ROBO2: variants seen among roughly 807,000 people sequenced by gnomAD.
ROBO2 encodes the protein roundabout homolog 2.
Under a neutral mutation model 160.8 loss-of-function variants are expected in ROBO2, and 53 were observed. That is an observed-to-expected ratio of 0.33 (90% confidence interval 0.26 to 0.41). The LOEUF (loss-of-function observed/expected upper bound fraction) is 0.41, where lower values mean the gene tolerates loss of function less well. Ranked by LOEUF, ROBO2 falls within the 10% of genes least tolerant of loss-of-function variation. ROBO2 has a pLI of 1.00. For synonymous variants in ROBO2, 664 were observed against 611.7 expected (o/e 1.09, Z -1.26); for missense variants, 1,577 against 1,722.4 (o/e 0.92, Z 1.49).
intron 2 of ROBO2, among the ~76,000 whole-genome samples, chr3:76,558,712 C>CA (rs954571331): frequency 1.3e-5 from 2 of 151,892 alleles, no homozygotes; most frequent in African/African-American, 2.4e-5. Flanking sequence ...TTTAGACAAA[C>CA]AATAACTGTA....
At chr3:77,066,361 AG>A (rs1406786594) in intron 1 of ROBO2, among the ~76,000 whole-genome samples, 4 of 152,204 alleles carry the variant, frequency 2.6e-5, no homozygotes, top group Non-Finnish European at 5.9e-5. Flanking sequence ...AGATGTCAAA[AG>A]ACATTGGTAA....
At chr3:77,258,217 G>A (rs1441953) in intron 2 of ROBO2, among the ~76,000 whole-genome samples, 75,474 of 152,014 alleles carry the variant, frequency 0.5, 19,980 homozygotes, top group Middle Eastern at 0.7. Context: ...TATAAAGTTC[G>A]AGTGAAAGTG....
intron 2 of ROBO2, among the ~76,000 whole-genome samples, chr3:76,451,553 G>A (rs547145993): frequency 1.3e-5 from 2 of 152,180 alleles, no homozygotes; most frequent in African/African-American, 4.8e-5. Flanking sequence ...AGCAATGGCT[G>A]TCTCTCTTCT....
intron 2 of ROBO2, among the ~76,000 whole-genome samples, chr3:77,276,217 CA>C (rs11414735): frequency 0.24 from 34,608 of 143,470 alleles, 4,580 homozygotes; most frequent in African/African-American, 0.37. Flanking sequence ...AACAAACAAA[CA>C]AAAAAAAAAA....
intron 2 of ROBO2, among the ~76,000 whole-genome samples, chr3:77,311,376 A>G (rs1397671495): frequency 6.6e-6 from 1 of 152,216 alleles, no homozygotes; most frequent in Non-Finnish European, 1.5e-5. Context: ...TAAACTGTAT[A>G]TTTGCAAAAC....
At chr3:76,700,988 T>C (rs1338410175) in intron 2 of ROBO2, among the ~76,000 whole-genome samples, 2 of 152,074 alleles carry the variant, frequency 1.3e-5, no homozygotes, top group African/African-American at 4.8e-5. Flanking sequence ...ATTATCATAG[T>C]GTATTGAAGC....
rs201765049 is a variant in ROBO2 at position 76,149,968 on chromosome 3, T to C, written c.109+212366T>C. Among the ~76,000 whole-genome samples, 46 of 148,484 alleles carry C rather than the reference T, an allele frequency of 3.1e-4. No individual in the cohort carries two copies. In the East Asian group the frequency reaches 8.8e-3, roughly 28 times the overall value. ...ACATCTGTCTAAAGCACACATCATA[T>C]GTCTAAAGCACACATCTGTCTAAAG... On this transcript the variant is annotated intron_variant, in intron 2 of 26. Transcript: ENST00000487694.
At chr3:76,386,280 C>G (rs972247061) in intron 2 of ROBO2, among the ~76,000 whole-genome samples, 2 of 151,644 alleles carry the variant, frequency 1.3e-5, no homozygotes, top group Non-Finnish European at 2.9e-5. Context: ...CAAACTAGAC[C>G]TTTCTTCATA....
intron 2 of ROBO2, among the ~76,000 whole-genome samples, chr3:76,510,716 C>G (rs949469953): frequency 5.3e-5 from 8 of 151,936 alleles, no homozygotes; most frequent in Admixed American, 3.3e-4. Context: ...GAGCAAGACT[C>G]TGTCTCAAAA....
chr3:77,387,054 T>C (rs2074198876), intron 2 of ROBO2, among the ~76,000 whole-genome samples: 1 of 151,950 alleles, frequency 6.6e-6, no homozygotes, highest in Non-Finnish European at 1.5e-5. Flanking sequence ...ATTCCCAAAT[T>C]TGGGATGTTA....
At chr3:75,921,278 A>G (rs7610997) in intron 1 of ROBO2, among the ~76,000 whole-genome samples, 90,694 of 144,714 alleles carry the variant, frequency 0.63, 28,064 homozygotes, top group African/African-American at 0.72. Context: ...TTTATTTCTC[A>G]TTCATTTATG....
intron 2 of ROBO2, among the ~76,000 whole-genome samples, chr3:77,370,380 T>C (rs749764229): frequency 3.3e-5 from 5 of 152,242 alleles, no homozygotes; most frequent in African/African-American, 1.2e-4. Context: ...AGTATATTGA[T>C]GAATACAATT....
At chr3:77,522,651 TTG>T (rs1302299412) in intron 5 of ROBO2, 122 bp from the exon 6 acceptor site, 288 of 918,150 alleles carry the variant, frequency 3.1e-4, no homozygotes, top group Middle Eastern at 9.0e-4. Flanking sequence ...TGTGGCTGAT[TTG>T]TGTGTGTGTG....
chr3:77,550,938 T>G (rs2092897809), exon 8 of ROBO2: 3 of 1,612,878 alleles, frequency 1.9e-6, no homozygotes, highest in African/African-American at 2.7e-5. Context: ...CTGCCAGGCT[T>G]TAACTGTGGC....
intron 7 of ROBO2, among the ~76,000 whole-genome samples, chr3:77,550,602 A>C (rs2092883313): frequency 6.6e-6 from 1 of 152,078 alleles, no homozygotes; most frequent in South Asian, 2.1e-4. Flanking sequence ...TTTCAACTAG[A>C]AAATATTGAC....
chr3:76,678,222 C>T lies in ROBO2; in HGVS notation c.110-419792C>T, dbSNP rs562612103. Among the ~76,000 whole-genome samples the T allele has an allele frequency of 3.9e-5, 6 of 152,100 alleles. No individual in the cohort carries two copies. The East Asian group carries it at 9.7e-4, about 25-fold the overall frequency. On this transcript the variant is annotated intron_variant, in intron 2 of 26. Coordinates refer to the ROBO2 transcript ENST00000487694. ...CTGACCTCAGGTGATCTGACCGCCTCGACTTCCCAAAGTACTGGGGTTACA... is the reference window on the plus strand; with the variant it reads ...CTGACCTCAGGTGATCTGACCGCCTTGACTTCCCAAAGTACTGGGGTTACA...
chr3:76,429,166 GCA>G lies in ROBO2; in HGVS notation c.109+491590_109+491591del, dbSNP rs371649400. 9.2e-4 allele frequency among the ~76,000 whole-genome samples: 137 copies of G among 148,550 alleles called. 1 individual carries two copies. The highest frequency in any genetic ancestry group is 1.4e-3 in the East Asian group (7 of 5,046). On this transcript the variant is annotated intron_variant, in intron 2 of 26. Transcript: ENST00000487694. ...TCACAGAACTCACAGACCAGTGGGC[GCA>G]CACACACACACACACACACACACAC...
chr3:76,051,711 C>T (rs1007995110), intron 2 of ROBO2, among the ~76,000 whole-genome samples: 4 of 152,180 alleles, frequency 2.6e-5, no homozygotes, highest in Admixed American at 6.5e-5. Flanking sequence ...ATCAGGTTCA[C>T]GTATACTACA....
intron 2 of ROBO2, among the ~76,000 whole-genome samples, chr3:76,711,755 G>T (rs556374966): frequency 6.6e-6 from 1 of 152,082 alleles, no homozygotes; most frequent in Non-Finnish European, 1.5e-5. Flanking sequence ...TGTCATGAAA[G>T]CACTCTTTCT....
Sources: gnomAD v4.1 joint callset for allele counts (sites outside exome capture counted in the v4.1 genomes callset) on GRCh38, gnomAD v4.1.1 for gene constraint, MANE v1.5 for transcripts, NCBI Gene and HGNC (gene_info 2026-07-23, HGNC 2026-07-21) for gene names.